Variants in TMEM62 observed in about 807,000 individuals in gnomAD.
TMEM62 encodes the protein transmembrane protein 62.
TMEM62 carries 41 observed loss-of-function variants against 70.4 expected under a neutral mutation model. The observed-to-expected ratio is 0.58, with a 90% CI of 0.45 to 0.76. The LOEUF (loss-of-function observed/expected upper bound fraction) is 0.76. TMEM62 is among the 30% of genes least tolerant of loss of function. TMEM62 has a pLI of 0.00. For synonymous variants in TMEM62, 268 were observed against 291.0 expected (o/e 0.92, Z 0.80); for missense variants, 688 against 788.5 (o/e 0.87, Z 1.53).
chr15:43,137,930 C>T (rs571260549), intron 3 of TMEM62, among the ~76,000 whole-genome samples: 1 of 152,356 alleles, frequency 6.6e-6, no homozygotes, highest in African/African-American at 2.4e-5. Flanking sequence ...GGCCTACACT[C>T]TTGCTATGCC....
chr15:43,160,647 A>G (rs373658290), intron 9 of TMEM62, 34 bp from the exon 10 acceptor site: 3 of 1,190,018 alleles, frequency 2.5e-6, no homozygotes, highest in Non-Finnish European at 3.7e-6. Flanking sequence ...TTCCATGTAC[A>G]TGAAAGTTAC....
intron 12 of TMEM62, among the ~76,000 whole-genome samples, chr15:43,179,043 A>G (rs1452104239): frequency 6.6e-6 from 1 of 152,184 alleles, no homozygotes; most frequent in Admixed American, 6.5e-5. Flanking sequence ...TTTTACTTCC[A>G]TCATTACCTT....
upstream of TMEM62, chr15:43,133,526 T>C (rs754106684): frequency 1.6e-5 from 5 of 313,700 alleles, no homozygotes; most frequent in Non-Finnish European, 2.3e-5. Context: ...CCGTCATTGG[T>C]GTTCAGAGTT....
chr15:43,178,061 CAT>C (rs376333189), intron 11 of TMEM62, among the ~76,000 whole-genome samples: 1 of 150,774 alleles, frequency 6.6e-6, no homozygotes, highest in African/African-American at 2.5e-5. Flanking sequence ...GACAGATACT[CAT>C]ATTTATGATT....
chr15:43,161,022 C>T (rs760970674), intron 10 of TMEM62, among the ~76,000 whole-genome samples: 2 of 151,908 alleles, frequency 1.3e-5, no homozygotes, highest in Middle Eastern at 3.2e-3. Context: ...TTATTGTTGT[C>T]GATCTGCTGT....
chr15:43,160,603 C>A, intron 9 of TMEM62, 78 bp from the exon 10 acceptor site: 2 of 718,884 alleles, frequency 2.8e-6, no homozygotes, highest in South Asian at 4.1e-5. Flanking sequence ...TATTAGAAAC[C>A]TATTCTTATT....
chr15:43,169,470 T>C, intron 10 of TMEM62, 123 bp from the exon 11 acceptor site: 2 of 784,474 alleles, frequency 2.5e-6, no homozygotes, highest in Non-Finnish European at 4.2e-6. Flanking sequence ...GACCAAAATA[T>C]GTATTTCTTA....
chr15:43,174,630 T>G (rs2040543974), intron 11 of TMEM62, among the ~76,000 whole-genome samples: 1 of 152,162 alleles, frequency 6.6e-6, no homozygotes, highest in Admixed American at 6.6e-5. Context: ...TGACCCCATT[T>G]TAAAGATTAG....
At chr15:43,182,522 C>T (rs1819792364) in intron 13 of TMEM62, among the ~76,000 whole-genome samples, 1 of 150,250 alleles carries the variant, frequency 6.7e-6, no homozygotes, top group East Asian at 1.9e-4. Context: ...GGCATCGTCT[C>T]GGCTCACTGC....
Position 43,133,795 on chromosome 15 carries a change from C to A in TMEM62, c.-8C>A. The A allele has an allele frequency of 2.2e-6, 3 of 1,359,454 alleles. No homozygotes were observed. Among genetic ancestry groups the A allele is most frequent in the South Asian group, 1.8e-5 (1 of 54,106 alleles). 84.2% of individuals were successfully genotyped at this position (1,359,454 alleles called of 1,614,324 possible). ...TCAGCGAGGGCCGCGCCCCGGCGGGCGGGCGGCATGGCTGCAGTGCTGGCT... is the reference window on the plus strand; with the variant it reads ...TCAGCGAGGGCCGCGCCCCGGCGGGAGGGCGGCATGGCTGCAGTGCTGGCT... On this transcript the variant is annotated 5_prime_UTR_variant, in exon 1 of 14. Transcript: ENST00000260403.
intron 10 of TMEM62, among the ~76,000 whole-genome samples, chr15:43,167,367 C>G (rs550638934): frequency 2.0e-5 from 3 of 150,010 alleles, no homozygotes; most frequent in South Asian, 2.1e-4. Context: ...ACTTCTCAGA[C>G]GGGGCGGCTG....
chr15:43,152,465 G>A (rs990622618), intron 8 of TMEM62, among the ~76,000 whole-genome samples: 2 of 152,128 alleles, frequency 1.3e-5, no homozygotes, highest in African/African-American at 4.8e-5. Flanking sequence ...CCTGATCTTG[G>A]CTCACTGCAA....
chr15:43,150,870 T>G (rs1437269383), intron 7 of TMEM62, among the ~76,000 whole-genome samples: 1 of 152,238 alleles, frequency 6.6e-6, no homozygotes, highest in African/African-American at 2.4e-5. Flanking sequence ...ACTGGGAAAT[T>G]CAGGGGAATG....
chr15:43,172,180 TCTTA>T (rs936158240), intron 11 of TMEM62, among the ~76,000 whole-genome samples: 4 of 152,220 alleles, frequency 2.6e-5, no homozygotes, highest in Non-Finnish European at 4.4e-5. Flanking sequence ...CAGTATTTTA[TCTTA>T]CTTAGAAATG....
chr15:43,184,699 A>T lies in TMEM62; in HGVS notation c.*113A>T. On this transcript the variant is annotated 3_prime_UTR_variant, in exon 14 of 14. Coordinates refer to ENST00000260403, the MANE Select transcript of TMEM62 (RefSeq NM_024956.4). The stretch of plus-strand genomic sequence containing the variant: ...CAGGATTGGTGGGTGAGCTTTAGGG[A>T]GCAGCTGCTCGTTTGGAGTCCTGGA... 1.1e-6 allele frequency: 1 copy of T among 916,586 alleles called. No homozygotes were observed. Among genetic ancestry groups the T allele is most frequent in the East Asian group, 2.5e-5 (1 of 39,734 alleles). 56.8% of individuals were successfully genotyped at this position (916,586 alleles called of 1,614,324 possible). A position where few individuals can be genotyped will look rare whatever the true frequency, so the allele number is the denominator to read the frequency against.
At chr15:43,156,035 AAC>A (rs201926090) in intron 9 of TMEM62, among the ~76,000 whole-genome samples, 33 of 149,744 alleles carry the variant, frequency 2.2e-4, no homozygotes, top group South Asian at 1.3e-3. Flanking sequence ...TAGTTTCTTA[AAC>A]ACACACACAC....
chr15:43,138,422 T>C, intron 3 of TMEM62, 152 bp from the exon 4 acceptor site: 1 of 638,354 alleles, frequency 1.6e-6, no homozygotes. Context: ...CTCCCACTGT[T>C]TGCTGAATAA....
intron 2 of TMEM62, among the ~76,000 whole-genome samples, chr15:43,134,794 T>C (rs112025817): frequency 8.0e-4 from 122 of 152,358 alleles, no homozygotes; most frequent in Admixed American, 1.2e-3. Context: ...GTTTGAGGCT[T>C]CCGGTGACCC....
intron 11 of TMEM62, among the ~76,000 whole-genome samples, chr15:43,173,266 T>C (rs920213765): frequency 6.6e-6 from 1 of 152,266 alleles, no homozygotes; most frequent in Non-Finnish European, 1.5e-5. Flanking sequence ...ACCAATGCCA[T>C]GTCAGTATCA....
Sources: gnomAD v4.1 joint callset for allele counts (sites outside exome capture counted in the v4.1 genomes callset) on GRCh38, gnomAD v4.1.1 for gene constraint, MANE v1.5 for transcripts, NCBI Gene and HGNC (gene_info 2026-07-23, HGNC 2026-07-21) for gene names.